CDS1: variants seen among roughly 807,000 people sequenced by gnomAD.
CDS1 encodes the protein phosphatidate cytidylyltransferase 1.
A neutral mutation model predicts 62.1 loss-of-function variants in CDS1; 41 were observed. The observed-to-expected ratio is 0.66, with a 90% CI of 0.51 to 0.86. The LOEUF (loss-of-function observed/expected upper bound fraction) is 0.86, where lower values mean the gene tolerates loss of function less well. CDS1 is among the 40% of genes least tolerant of loss of function. The probability of loss-of-function intolerance (pLI) is 0.00; values close to 1 mark genes in which losing one functional copy is unlikely to be tolerated. For missense variants in CDS1, 470 were observed against 550.1 expected (o/e 0.85, Z 1.46); for synonymous variants, 185 against 192.6 (o/e 0.96, Z 0.32).
At chr4:84,584,995 C>G (rs897353080) in intron 1 of CDS1, among the ~76,000 whole-genome samples, 9 of 152,150 alleles carry the variant, frequency 5.9e-5, no homozygotes, top group African/African-American at 2.2e-4. Context: ...AAGGAAATAC[C>G]AGCTTCTCTA....
chr4:84,590,056 C>A (rs191157562), intron 1 of CDS1, among the ~76,000 whole-genome samples: 8 of 152,278 alleles, frequency 5.3e-5, no homozygotes, highest in African/African-American at 1.9e-4. Context: ...TGTGATCTGC[C>A]CGCCTTGGCC....
chr4:84,651,110 A>G lies in CDS1; in HGVS notation c.*2424A>G, dbSNP rs960971379. ...CTTGTTGTGGTGACGTACATTCACT[A>G]TCTGAGAGTGAAAGACCACACACAC... On this transcript the variant is annotated 3_prime_UTR_variant, in exon 13 of 13. Transcript: ENST00000295887. 6.6e-6 allele frequency: 1 copy of G among 152,208 alleles called. No homozygotes were observed. The highest frequency in any genetic ancestry group is 6.5e-5 in the Admixed American group (1 of 15,278). 9.4% of individuals were successfully genotyped at this position (152,208 alleles called of 1,614,324 possible).
Position 84,583,327 on chromosome 4 carries a change from C to T in CDS1, c.-75C>T. On this transcript the variant is annotated 5_prime_UTR_variant, in exon 1 of 13. Coordinates refer to ENST00000295887, the MANE Select transcript of CDS1 (RefSeq NM_001263.4). ...GCGGCTGCGAGGTGGCGGGGCGCCC[C>T]GCCTGCAGAACCCTGCTTGCAGCTC... 5 of 1,115,664 alleles carry T rather than the reference C, an allele frequency of 4.5e-6. No homozygotes were observed. Among genetic ancestry groups the T allele is most frequent in the African/African-American group, 1.6e-5 (1 of 61,622 alleles). The allele number at this position is 1,115,664 out of a possible 1,614,324, so 69.1% of individuals were successfully genotyped here.
chr4:84,590,435 C>T (rs946367423), intron 1 of CDS1, among the ~76,000 whole-genome samples: 5 of 152,150 alleles, frequency 3.3e-5, no homozygotes, highest in Non-Finnish European at 5.9e-5. Flanking sequence ...TAAAGAATAT[C>T]TGAGGGTTAC....
At position 84,649,691 on chromosome 4, in the gene CDS1, G is replaced by T. The variant is rs149184469; in HGVS notation, c.*1005G>T. The T allele has an allele frequency of 6.6e-6, 1 of 152,168 alleles. No individual in the cohort carries two copies. The highest frequency in any genetic ancestry group is 1.5e-5 in the Non-Finnish European group (1 of 68,066). 9.4% of individuals were successfully genotyped at this position (152,168 alleles called of 1,614,324 possible). A position where few individuals can be genotyped will look rare whatever the true frequency, so the allele number is the denominator to read the frequency against. On this transcript the variant is annotated 3_prime_UTR_variant, in exon 13 of 13. Coordinates refer to ENST00000295887, the MANE Select transcript of CDS1 (RefSeq NM_001263.4). ...GTGCAGCCCTTTGTAGACTCACCTC[G>T]CAAGAAGGAAGATCTGCCTGGAGAC...
chr4:84,594,465 A>G (rs1722688520), intron 1 of CDS1, among the ~76,000 whole-genome samples: 1 of 151,306 alleles, frequency 6.6e-6, no homozygotes, highest in African/African-American at 2.4e-5. Flanking sequence ...TTTTTTTTTT[A>G]CAAAATAACT....
At chr4:84,592,401 G>A (rs188942927) in intron 1 of CDS1, among the ~76,000 whole-genome samples, 232 of 152,174 alleles carry the variant, frequency 1.5e-3, no homozygotes, top group Non-Finnish European at 2.8e-3. Context: ...TTGAACTCCT[G>A]ACCTCAAGTA....
At chr4:84,619,192 A>C (rs569532091) in intron 4 of CDS1, among the ~76,000 whole-genome samples, 1 of 152,244 alleles carries the variant, frequency 6.6e-6, no homozygotes, top group Non-Finnish European at 1.5e-5. Flanking sequence ...GGTATGAACT[A>C]TGTTTGGTAA....
chr4:84,599,385 C>T (rs1353299655), intron 1 of CDS1, among the ~76,000 whole-genome samples: 1 of 108,982 alleles, frequency 9.2e-6, no homozygotes, highest in Non-Finnish European at 1.8e-5. Flanking sequence ...TATAATTTGG[C>T]AAATTTTGAC....
At chr4:84,640,468 G>T (rs186811584) in intron 9 of CDS1, among the ~76,000 whole-genome samples, 27 of 151,984 alleles carry the variant, frequency 1.8e-4, no homozygotes, top group Admixed American at 1.7e-3. Flanking sequence ...TTTTTAACCT[G>T]TACTATTTTG....
intron 1 of CDS1, among the ~76,000 whole-genome samples, chr4:84,586,540 C>T (rs1578011373): frequency 6.6e-6 from 1 of 152,088 alleles, no homozygotes; most frequent in Non-Finnish European, 1.5e-5. Context: ...CAGGAGGCAG[C>T]GCTCGGTGGT....
At chr4:84,639,083 A>G (rs1724303426) in intron 9 of CDS1, 91 bp downstream of exon 9, 2 of 491,872 alleles carry the variant, frequency 4.1e-6, no homozygotes, top group Non-Finnish European at 6.9e-6. Context: ...AAATTAAACC[A>G]CAAAATGCTA....
At chr4:84,594,475 T>C (rs889833020) in intron 1 of CDS1, among the ~76,000 whole-genome samples, 10 of 152,106 alleles carry the variant, frequency 6.6e-5, no homozygotes, top group Admixed American at 6.5e-4. Flanking sequence ...ACAAAATAAC[T>C]GCATTTCAGA....
Position 84,583,522 on chromosome 4 carries a change from A to C in CDS1, c.117+4A>C, listed in dbSNP as rs1722319336. On this transcript the variant is annotated splice_donor_region_variant and intron_variant, in intron 1 of 12. Coordinates refer to ENST00000295887, the MANE Select transcript of CDS1 (RefSeq NM_001263.4). Reference sequence around the variant, plus strand: ...AACCGAGAGCACCAGCGACAAAGTAAGTGGAGCCGAGAGAGGCGGACGCCG... The same window carrying C: ...AACCGAGAGCACCAGCGACAAAGTACGTGGAGCCGAGAGAGGCGGACGCCG... 6.7e-7 allele frequency: 1 copy of C among 1,495,798 alleles called. No individual in the cohort carries two copies. The highest frequency in any genetic ancestry group is 1.5e-5 in the African/African-American group (1 of 68,672). 92.7% of individuals were successfully genotyped at this position (1,495,798 alleles called of 1,614,324 possible).
chr4:84,595,907 AATGAG>A (rs1289541744), intron 1 of CDS1, among the ~76,000 whole-genome samples: 2 of 152,248 alleles, frequency 1.3e-5, no homozygotes, highest in African/African-American at 4.8e-5. Flanking sequence ...TGTATAATAG[AATGAG>A]ATATCACTGG....
Position 84,638,948 on chromosome 4 carries a change from G to C in CDS1, c.835G>C (p.Gly279Arg). 2 of 1,569,336 alleles carry C rather than the reference G, an allele frequency of 1.3e-6. No homozygotes were observed. Among genetic ancestry groups the C allele is most frequent in the Non-Finnish European group, 1.7e-6 (2 of 1,158,752 alleles). Residue 279 changes from glycine to arginine, a missense_variant, in exon 9 of 13, where the codon GGA becomes CGA. This residue lies in a region of CDS1 where 214 missense variants were observed against 242.4 expected (regional missense o/e 0.88). Coordinates refer to ENST00000295887, the MANE Select transcript of CDS1 (RefSeq NM_001263.4). ...GTTGTCTCCTAAAAAGACTTGGGAA[G>C]GATTCATTGGTGGTTTCTTTTCCAC... ...IKLSPKKTWE[G>R]FIGGFFSTVV...
chr4:84,638,846 T>TC (rs1183146921), intron 8 of CDS1, 78 bp from the exon 9 acceptor site: 2 of 348,148 alleles, frequency 5.7e-6, no homozygotes. Flanking sequence ...GAGGAAATAG[T>TC]TTATATATAT....
chr4:84,638,267 A>G (rs1235690483), intron 8 of CDS1, among the ~76,000 whole-genome samples: 1 of 152,130 alleles, frequency 6.6e-6, no homozygotes, highest in Non-Finnish European at 1.5e-5. Context: ...CCTGAATCCA[A>G]CACAAACAAT....
chr4:84,630,026 C>G (rs1369253969), intron 5 of CDS1, among the ~76,000 whole-genome samples: 5 of 152,284 alleles, frequency 3.3e-5, no homozygotes, highest in Middle Eastern at 3.4e-3. Context: ...TCTTGTGTCT[C>G]TGCTTTGCCC....
Sources: gnomAD v4.1 joint callset for allele counts (sites outside exome capture counted in the v4.1 genomes callset) on GRCh38, gnomAD v4.1.1 for gene constraint, gnomAD v4.1.1 regional missense constraint, MANE v1.5 for transcripts, NCBI Gene and HGNC (gene_info 2026-07-23, HGNC 2026-07-21) for gene names.